The following GAB2 variants were observed in gnomAD, a reference collection of about 807,000 sequenced individuals.
The protein encoded by GAB2 is GRB2 associated binding protein 2, also known as GRB2-associated-binding protein 2.
A neutral mutation model predicts 65.5 loss-of-function variants in GAB2; 26 were observed. That is an observed-to-expected ratio of 0.40 (90% CI 0.29 to 0.55). The LOEUF (loss-of-function observed/expected upper bound fraction) is 0.55, where lower values mean the gene tolerates loss of function less well. Among genes scored for constraint, GAB2 ranks in the 20% least tolerant of loss-of-function variants. GAB2 has a pLI of 0.53. For synonymous variants in GAB2, 321 were observed against 329.6 expected (o/e 0.97, Z 0.28); for missense variants, 884 against 875.8 (o/e 1.01, Z -0.12).
In GAB2 at chr11:78,280,635, C is replaced by T. The variant is rs1438053962; in HGVS notation, c.342G>A (p.Gln114=). Residue 114 remains glutamine (Q), a synonymous_variant, in exon 2 of 10, where the codon CAG becomes CAA. Coordinates refer to ENST00000361507, the MANE Select transcript of GAB2 (RefSeq NM_080491.3). The part of the protein sequence containing the change: ...DMNKWVQSIC[Q]ICGFNQAEES... ...CCTCAGCCTGATTGAAGCCACAGAT[C>T]TGGCAGATGCTCTGGACCCACTTAT... is the stretch of plus-strand genomic sequence containing the variant. The T allele has an allele frequency of 6.2e-7, 1 of 1,614,152 alleles. No homozygotes were observed. The highest frequency in any genetic ancestry group is 1.1e-5 in the South Asian group (1 of 91,072).
intron 3 of GAB2, among the ~76,000 whole-genome samples, chr11:78,236,832 T>C (rs936415799): frequency 6.6e-6 from 1 of 152,190 alleles, no homozygotes; most frequent in Admixed American, 6.5e-5. Context: ...TACTTTGTCA[T>C]GATGTCTTAC....
At chr11:78,345,129 A>T (rs994529428) in intron 1 of GAB2, among the ~76,000 whole-genome samples, 1 of 152,078 alleles carries the variant, frequency 6.6e-6, no homozygotes, top group African/African-American at 2.4e-5. Flanking sequence ...AAAATACAAA[A>T]ATTAGCTAGG....
At chr11:78,267,612 A>C (rs1031719091) in intron 2 of GAB2, among the ~76,000 whole-genome samples, 7 of 152,086 alleles carry the variant, frequency 4.6e-5, no homozygotes, top group Non-Finnish European at 1.0e-4. Flanking sequence ...TAATCCCAGC[A>C]CTTTGGGAGG....
intron 1 of GAB2, among the ~76,000 whole-genome samples, chr11:78,297,083 A>C (rs1026305721): frequency 1.3e-5 from 2 of 152,196 alleles, no homozygotes; most frequent in Admixed American, 1.3e-4. Context: ...CAGTCCATAC[A>C]TGGTGAGTAT....
chr11:78,240,146 G>A (rs1210330310), intron 3 of GAB2, among the ~76,000 whole-genome samples: 1 of 152,128 alleles, frequency 6.6e-6, no homozygotes, highest in East Asian at 1.9e-4. Flanking sequence ...TGCCTCCACA[G>A]TGCCTAAGCT....
At chr11:78,339,981 G>T (rs908707607) in intron 1 of GAB2, among the ~76,000 whole-genome samples, 1 of 152,092 alleles carries the variant, frequency 6.6e-6, no homozygotes, top group Non-Finnish European at 1.5e-5. Flanking sequence ...TTTGACTACG[G>T]GTTGTTTTTC....
intron 1 of GAB2, among the ~76,000 whole-genome samples, chr11:78,346,607 T>C (rs1357585269): frequency 1.6e-5 from 2 of 121,244 alleles, no homozygotes; most frequent in Admixed American, 1.7e-4. Flanking sequence ...GAAAGGAGAA[T>C]TTACCAAATC....
intron 1 of GAB2, among the ~76,000 whole-genome samples, chr11:78,371,509 C>T (rs1856571098): frequency 6.6e-6 from 1 of 152,190 alleles, no homozygotes; most frequent in Admixed American, 6.5e-5. Context: ...TCATTCAATC[C>T]CTCTTCCGTG....
chr11:78,307,212 C>A (rs1047397893), intron 1 of GAB2, among the ~76,000 whole-genome samples: 6 of 152,112 alleles, frequency 3.9e-5, no homozygotes, highest in Admixed American at 1.3e-4. Context: ...AACACTACAA[C>A]CTCTACAACC....
chr11:78,388,961 A>T (rs1335928473), intron 1 of GAB2, among the ~76,000 whole-genome samples: 1 of 152,230 alleles, frequency 6.6e-6, no homozygotes, highest in African/African-American at 2.4e-5. Context: ...GTCAGAAAAG[A>T]TCTTTCTCCT....
chr11:78,250,977 G>T (rs1440046604), intron 2 of GAB2, among the ~76,000 whole-genome samples: 1 of 152,030 alleles, frequency 6.6e-6, no homozygotes, highest in Non-Finnish European at 1.5e-5. Context: ...AGGGGGACAA[G>T]GATTGAACAA....
At chr11:78,413,213 T>C (rs1023599249) in intron 1 of GAB2, among the ~76,000 whole-genome samples, 2 of 152,190 alleles carry the variant, frequency 1.3e-5, no homozygotes, top group African/African-American at 4.8e-5. Context: ...AAATTTAACT[T>C]GATGACCACC....
At chr11:78,354,268 G>C (rs1856323895) in intron 1 of GAB2, among the ~76,000 whole-genome samples, 1 of 152,064 alleles carries the variant, frequency 6.6e-6, no homozygotes, top group African/African-American at 2.4e-5. Context: ...TTCACAGAAA[G>C]GTTTGCTCAA....
intron 2 of GAB2, among the ~76,000 whole-genome samples, chr11:78,271,536 A>C (rs1394987129): frequency 1.3e-5 from 2 of 152,164 alleles, no homozygotes; most frequent in African/African-American, 4.8e-5. Context: ...GTTTTATCCT[A>C]GACATTTTTG....
Position 78,417,630 on chromosome 11 carries a change from C to A in GAB2, c.75+16G>T. The A allele has an allele frequency of 7.5e-7, 1 of 1,327,204 alleles. No homozygotes were observed. Among genetic ancestry groups the A allele is most frequent in the Non-Finnish European group, 9.9e-7 (1 of 1,011,508 alleles). 82.2% of individuals were successfully genotyped at this position (1,327,204 alleles called of 1,614,324 possible). A position where few individuals can be genotyped will look rare whatever the true frequency, so the allele number is the denominator to read the frequency against. Reference sequence around the variant, plus strand: ...GCGCCCCCCGCCCGCCCCTGGGCGGCCGCGCCCGCACTCACATAGCGCCTC... The same window carrying A: ...GCGCCCCCCGCCCGCCCCTGGGCGGACGCGCCCGCACTCACATAGCGCCTC... On this transcript the variant is annotated intron_variant, in intron 1 of 9. Transcript: ENST00000361507.
At chr11:78,228,847 G>A (rs1314221165) in intron 3 of GAB2, among the ~76,000 whole-genome samples, 1 of 152,124 alleles carries the variant, frequency 6.6e-6, no homozygotes, top group Non-Finnish European at 1.5e-5. Context: ...GGCGGGGGGA[G>A]CGAATGGTAG....
At chr11:78,292,834 T>C (rs1343643428) in intron 1 of GAB2, among the ~76,000 whole-genome samples, 5 of 152,222 alleles carry the variant, frequency 3.3e-5, no homozygotes, top group African/African-American at 9.6e-5. Context: ...TGCCATGTGC[T>C]TTCTACTCAT....
chr11:78,275,758 G>GTA (rs977155243), intron 2 of GAB2, among the ~76,000 whole-genome samples: 2 of 152,020 alleles, frequency 1.3e-5, no homozygotes, highest in Non-Finnish European at 2.9e-5. Context: ...TTCTGTGTGT[G>GTA]TATATATACA....
At chr11:78,241,307 A>C (rs1865127885) in intron 3 of GAB2, among the ~76,000 whole-genome samples, 1 of 152,228 alleles carries the variant, frequency 6.6e-6, no homozygotes, top group South Asian at 2.1e-4. Flanking sequence ...TGCAGGTGAA[A>C]GTCTTTCTCT....
Sources: allele counts gnomAD v4.1 joint callset (sites outside exome capture counted in the v4.1 genomes callset), GRCh38; gene constraint gnomAD v4.1.1; transcripts MANE v1.5; gene names NCBI Gene and HGNC (gene_info 2026-07-23, HGNC 2026-07-21).